NLGN1: variants seen among roughly 807,000 people sequenced by gnomAD.
NLGN1 encodes neuroligin-1.
A neutral mutation model predicts 65.5 loss-of-function variants in NLGN1; 12 were observed. The ratio of observed to expected loss-of-function variants is 0.18; its 90% CI spans 0.12 to 0.30. The LOEUF (loss-of-function observed/expected upper bound fraction) is 0.30, where lower values mean the gene tolerates loss of function less well. Ranked by LOEUF, NLGN1 falls within the 10% of genes least tolerant of loss-of-function variation. The pLI is 1.00. For synonymous variants in NLGN1, 350 were observed against 359.5 expected, an observed-to-expected ratio of 0.97 and a Z score of 0.30; for missense variants, 750 against 1,007.1, an observed-to-expected ratio of 0.74 and a Z score of 3.46.
At chr3:173,476,554 C>T (rs1451259735) in intron 2 of NLGN1, among the ~76,000 whole-genome samples, 3 of 152,098 alleles carry the variant, frequency 2.0e-5, no homozygotes, top group East Asian at 3.9e-4. Context: ...GAATATAGAG[C>T]GTTTGGGGAA....
chr3:174,146,629 G>A (rs1217308229), intron 4 of NLGN1, among the ~76,000 whole-genome samples: 3 of 149,160 alleles, frequency 2.0e-5, no homozygotes, highest in Non-Finnish European at 4.4e-5. Flanking sequence ...GTTCAGTGTC[G>A]CGATCTTGGC....
At chr3:173,518,975 C>T (rs2149127251) in intron 2 of NLGN1, among the ~76,000 whole-genome samples, 1 of 152,220 alleles carries the variant, frequency 6.6e-6, no homozygotes, top group Non-Finnish European at 1.5e-5. Context: ...TGGCTGTGTC[C>T]AGGGCCCTGC....
intron 3 of NLGN1, among the ~76,000 whole-genome samples, chr3:173,622,440 A>G (rs918396785): frequency 1.3e-5 from 2 of 152,094 alleles, no homozygotes; most frequent in Non-Finnish European, 2.9e-5. Context: ...GGCTGAGAAT[A>G]CAGAATGTGG....
At chr3:173,793,775 C>T (rs1713341029) in intron 3 of NLGN1, among the ~76,000 whole-genome samples, 1 of 152,008 alleles carries the variant, frequency 6.6e-6, no homozygotes, top group Non-Finnish European at 1.5e-5. Context: ...ATAATGCAGG[C>T]TTCTATATAA....
intron 2 of NLGN1, among the ~76,000 whole-genome samples, chr3:173,495,799 AC>A (rs1261295445): frequency 6.6e-6 from 1 of 151,300 alleles, no homozygotes; most frequent in Non-Finnish European, 1.5e-5. Flanking sequence ...TTTCTCTTGT[AC>A]CCCATACCAG....
At position 173,911,844 on chromosome 3, in the gene NLGN1, T is replaced by C. The variant is rs1739664702; in HGVS notation, c.646+104012T>C. 2.0e-5 allele frequency among the ~76,000 whole-genome samples: 3 copies of C among 152,374 alleles called. No homozygotes were observed. The South Asian group carries it at 6.2e-4, about 32-fold the overall frequency. ...TTTATGCTGGCTAAAAGGATCCCTC[T>C]AATTTTTGTTACACAAAGACCCCTT... is the stretch of plus-strand genomic sequence containing the variant. On this transcript the variant is annotated intron_variant, in intron 4 of 6. Coordinates refer to ENST00000457714, the Ensembl canonical transcript of NLGN1.
Position 173,452,030 on chromosome 3 carries a change from G to A in NLGN1, c.-321+16952G>A, listed in dbSNP as rs1158545306. Among the ~76,000 whole-genome samples, 3 of 152,202 alleles carry A rather than the reference G, an allele frequency of 2.0e-5. No homozygotes were observed. The East Asian group carries it at 5.8e-4, about 29-fold the overall frequency. On this transcript the variant is annotated intron_variant, in intron 2 of 6. Coordinates refer to ENST00000457714, the Ensembl canonical transcript of NLGN1. Reference sequence around the variant, plus strand: ...CCCGGGTGAGGCGATGCCTCGCCCTGCTTCGGCTCACGCACAGTGCACTGC... The same window carrying A: ...CCCGGGTGAGGCGATGCCTCGCCCTACTTCGGCTCACGCACAGTGCACTGC...
At chr3:174,167,226 GTTGTTAGCTGGTTGTTTTGTAGTTTCTA>G (rs1727665127) in intron 4 of NLGN1, among the ~76,000 whole-genome samples, 2 of 152,002 alleles carry the variant, frequency 1.3e-5, no homozygotes, top group African/African-American at 4.8e-5. Flanking sequence ...CTATTGTGAA[GTTGTTAGCTGGTTGTTTTGTAGTTTCTA>G]TTGTGTTTTA....
At chr3:173,524,116 C>T (rs923910468) in intron 2 of NLGN1, among the ~76,000 whole-genome samples, 10 of 151,022 alleles carry the variant, frequency 6.6e-5, no homozygotes, top group African/African-American at 9.7e-5. Context: ...TTAGTAGACA[C>T]GGGGTTTCAC....
intron 2 of NLGN1, among the ~76,000 whole-genome samples, chr3:173,581,738 TC>T (rs1442840285): frequency 6.6e-6 from 1 of 152,012 alleles, no homozygotes; most frequent in East Asian, 1.9e-4. Flanking sequence ...TATTGATATT[TC>T]ATTTTTTCAG....
intron 3 of NLGN1, among the ~76,000 whole-genome samples, chr3:173,730,040 A>G (rs912233523): frequency 2.0e-5 from 3 of 150,738 alleles, no homozygotes; most frequent in African/African-American, 7.3e-5. Flanking sequence ...CGAAATACAG[A>G]AAAAAAAACT....
At chr3:173,597,958 G>A (rs1393013019) in intron 2 of NLGN1, among the ~76,000 whole-genome samples, 1 of 151,988 alleles carries the variant, frequency 6.6e-6, no homozygotes, top group Non-Finnish European at 1.5e-5. Context: ...TATTATATCT[G>A]ATTAGATGGC....
At chr3:174,076,788 T>C (rs1741101067) in intron 4 of NLGN1, among the ~76,000 whole-genome samples, 1 of 151,948 alleles carries the variant, frequency 6.6e-6, no homozygotes, top group African/African-American at 2.4e-5. Flanking sequence ...TGTATGTACA[T>C]ATGTGTGTTT....
At chr3:173,769,494 T>G (rs1462850882) in intron 3 of NLGN1, among the ~76,000 whole-genome samples, 1 of 152,222 alleles carries the variant, frequency 6.6e-6, no homozygotes, top group Non-Finnish European at 1.5e-5. Flanking sequence ...TTCGAACTTT[T>G]CAGCATGTGG....
chr3:173,555,254 G>A (rs1188747598), intron 2 of NLGN1, among the ~76,000 whole-genome samples: 1 of 152,152 alleles, frequency 6.6e-6, no homozygotes, highest in Non-Finnish European at 1.5e-5. Context: ...AATTGAGATG[G>A]TTGTATGACT....
chr3:174,007,966 GT>G (rs1258236723), intron 4 of NLGN1, among the ~76,000 whole-genome samples: 12 of 151,918 alleles, frequency 7.9e-5, no homozygotes, highest in Admixed American at 1.3e-4. Flanking sequence ...GTGTGTGTGT[GT>G]GTGTGTGTGT....
At chr3:174,027,304 CTT>C (rs1326906842) in intron 4 of NLGN1, among the ~76,000 whole-genome samples, 2 of 152,122 alleles carry the variant, frequency 1.3e-5, no homozygotes, top group African/African-American at 4.8e-5. Flanking sequence ...ACCCTTCTCT[CTT>C]ATACCCTGTT....
chr3:174,081,179 T>C lies in NLGN1; in HGVS notation c.647-194136T>C, dbSNP rs561329284. Among the ~76,000 whole-genome samples the C allele has an allele frequency of 1.7e-4, 26 of 152,236 alleles. No homozygotes were observed. In the East Asian group the frequency reaches 4.4e-3, roughly 26 times the overall value. On this transcript the variant is annotated intron_variant, in intron 4 of 6. Coordinates refer to ENST00000457714, the Ensembl canonical transcript of NLGN1. ...TAACTTAGACAAGAAAAAGTCTGAATTGCTCCATGTTGGTGTGCATTGGAG... is the reference window on the plus strand; with the variant it reads ...TAACTTAGACAAGAAAAAGTCTGAACTGCTCCATGTTGGTGTGCATTGGAG...
chr3:173,478,123 A>G (rs1018505455), intron 2 of NLGN1, among the ~76,000 whole-genome samples: 15 of 152,226 alleles, frequency 9.9e-5, no homozygotes, highest in Non-Finnish European at 2.1e-4. Context: ...TTGTAGCACT[A>G]TTCACAATAT....
Sources: gnomAD v4.1 joint callset for allele counts (sites outside exome capture counted in the v4.1 genomes callset) on GRCh38, gnomAD v4.1.1 for gene constraint, MANE v1.5 for transcripts, NCBI Gene and HGNC (gene_info 2026-07-23, HGNC 2026-07-21) for gene names.